The following NRROS variants were observed in gnomAD, a reference collection of about 807,000 sequenced individuals.
The protein encoded by NRROS is negative regulator of reactive oxygen species.
A neutral mutation model predicts 12.0 loss-of-function variants in NRROS; 6 were observed. The ratio of observed to expected loss-of-function variants is 0.50; its 90% CI spans 0.27 to 0.98. NRROS has a LOEUF of 0.98. Among genes scored for constraint, NRROS ranks in the 50% least tolerant of loss-of-function variants. The pLI, the probability that NRROS is intolerant of heterozygous loss-of-function variation, is 0.11. For missense variants in NRROS, 857 were observed against 888.2 expected (o/e 0.96, Z 0.45); for synonymous variants, 462 against 410.2 (o/e 1.13, Z -1.53).
intron 1 of NRROS, among the ~76,000 whole-genome samples, chr3:196,645,960 T>C (rs1055782305): frequency 6.6e-6 from 1 of 152,228 alleles, no homozygotes; most frequent in Non-Finnish European, 1.5e-5. Context: ...TTAATACACC[T>C]CTTTGTCTCA....
chr3:196,643,354 C>G (rs193013626), intron 1 of NRROS, among the ~76,000 whole-genome samples: 1 of 152,126 alleles, frequency 6.6e-6, no homozygotes, highest in Non-Finnish European at 1.5e-5. Flanking sequence ...AGTGGAACCT[C>G]GTCATGGTCC....
intron 2 of NRROS, among the ~76,000 whole-genome samples, chr3:196,658,086 T>C (rs1485046994): frequency 6.6e-6 from 1 of 152,204 alleles, no homozygotes; most frequent in African/African-American, 2.4e-5. Flanking sequence ...CCACGAAGCA[T>C]TGGCCCTGGA....
At chr3:196,642,785 C>T (rs956335301) in intron 1 of NRROS, among the ~76,000 whole-genome samples, 3 of 152,104 alleles carry the variant, frequency 2.0e-5, no homozygotes, top group African/African-American at 7.2e-5. Flanking sequence ...AAGATGGTCA[C>T]TTTCGGCCGG....
chr3:196,644,165 A>G (rs747622546), intron 1 of NRROS, among the ~76,000 whole-genome samples: 1 of 152,064 alleles, frequency 6.6e-6, no homozygotes, highest in African/African-American at 2.4e-5. Flanking sequence ...CTGGCTAGAG[A>G]AGGTTAGAGC....
chr3:196,643,101 T>C (rs1737240676), intron 1 of NRROS, among the ~76,000 whole-genome samples: 1 of 151,640 alleles, frequency 6.6e-6, no homozygotes, highest in South Asian at 2.1e-4. Context: ...GATAATCGCT[T>C]TCATGTTTTG....
chr3:196,654,918 G>A lies in NRROS; in HGVS notation c.108+271G>A, dbSNP rs558523961. The A allele has an allele frequency of 1.9e-5, 7 of 369,130 alleles. No individual in the cohort carries two copies. Among genetic ancestry groups the A allele is most frequent in the Middle Eastern group, 7.7e-4 (1 of 1,298 alleles). 22.9% of individuals were successfully genotyped at this position (369,130 alleles called of 1,614,324 possible). A position where few individuals can be genotyped will look rare whatever the true frequency, so the allele number is the denominator to read the frequency against. ...CGAGACCAGCCTAGGGCATCCTCCC[G>A]GAACAAGAACAACTTGTTAAAAATC... On this transcript the variant is annotated intron_variant, in intron 2 of 2. Transcript: ENST00000328557. This position sits in a 1 kb window ranked among gnomAD's most constrained non-coding sequence, Gnocchi z 4.4.
intron 1 of NRROS, among the ~76,000 whole-genome samples, chr3:196,643,701 G>T (rs1737251369): frequency 6.6e-6 from 1 of 152,354 alleles, no homozygotes; most frequent in Admixed American, 6.5e-5. Flanking sequence ...CTAAGCTCAT[G>T]TCACTCCATT....
Position 196,661,692 on chromosome 3 carries a change from G to A in NRROS, c.2049G>A (p.Lys683=). 1.3e-6 allele frequency: 2 copies of A among 1,596,398 alleles called. No individual in the cohort carries two copies. Among genetic ancestry groups the A allele is most frequent in the East Asian group, 2.2e-5 (1 of 44,704 alleles). ...TFKKPLLQVI[K]SRCHWSSVY is the part of the protein sequence containing the mutation. ...AGAAGCCTCTGCTTCAGGTCATCAA[G>A]AGCCGCTGCCACTGGTCCTCCGTTT... Residue 683 remains lysine, a synonymous_variant, in exon 3 of 3, where the codon AAG becomes AAA. Transcript: ENST00000328557.
chr3:196,655,547 A>AT (rs1409520378), intron 2 of NRROS, among the ~76,000 whole-genome samples: 1 of 152,082 alleles, frequency 6.6e-6, no homozygotes, highest in Non-Finnish European at 1.5e-5. Flanking sequence ...AAAGAAAAAA[A>AT]CAAAACAAAA....
rs1737636602 is a variant in NRROS, at chr3:196,660,221, T to C, written c.578T>C (p.Ile193Thr). 6.2e-7 allele frequency: 1 copy of C among 1,613,534 alleles called. No homozygotes were observed. The highest frequency in any genetic ancestry group is 8.5e-7 in the Non-Finnish European group (1 of 1,180,032). The stretch of plus-strand genomic sequence containing the variant: ...GAGCTGGATCTGCAGAGGAACTACA[T>C]CTTCGAGATCGAGGGCGGCGCTTTC... ...LRELDLQRNY[I>T]FEIEGGAFDG... The change falls in exon 3 of 3, where the codon ATC becomes ACC. Residue 193 changes from isoleucine to threonine, a missense_variant. Coordinates refer to ENST00000328557, the MANE Select transcript of NRROS (RefSeq NM_198565.3). This position sits in a 1 kb window ranked among gnomAD's most constrained non-coding sequence, Gnocchi z 7.7.
chr3:196,645,335 T>C (rs1371033008), intron 1 of NRROS, among the ~76,000 whole-genome samples: 3 of 152,112 alleles, frequency 2.0e-5, no homozygotes, highest in Admixed American at 6.6e-5. Context: ...CCAGGGTGGC[T>C]GGGGCTTGTG....
intron 1 of NRROS, among the ~76,000 whole-genome samples, chr3:196,651,547 A>G (rs185176884): frequency 3.1e-4 from 47 of 152,266 alleles, no homozygotes; most frequent in African/African-American, 1.1e-3. Context: ...CGGGCAGATC[A>G]CCTGAGGTCA....
At chr3:196,648,291 T>C (rs1737349071) in intron 1 of NRROS, among the ~76,000 whole-genome samples, 1 of 152,216 alleles carries the variant, frequency 6.6e-6, no homozygotes, top group Non-Finnish European at 1.5e-5. Flanking sequence ...ACGGACATCA[T>C]GAAAGTTCCC....
chr3:196,643,956 C>T (rs1249393029), intron 1 of NRROS, among the ~76,000 whole-genome samples: 1 of 152,188 alleles, frequency 6.6e-6, no homozygotes, highest in Non-Finnish European at 1.5e-5. Flanking sequence ...GCTTTCCCTG[C>T]CTGGCCCTGG....
chr3:196,655,466 C>T (rs960545114), intron 2 of NRROS, among the ~76,000 whole-genome samples: 27 of 145,540 alleles, frequency 1.9e-4, no homozygotes, highest in Admixed American at 9.6e-4. Flanking sequence ...ACCCGGGAGA[C>T]GGAGGTTGCA....
intron 2 of NRROS, among the ~76,000 whole-genome samples, chr3:196,659,476 T>C (rs1399810025): frequency 6.6e-6 from 1 of 151,846 alleles, no homozygotes; most frequent in Non-Finnish European, 1.5e-5. Flanking sequence ...CCCGGCTAGT[T>C]TTTTGTATTT....
At position 196,660,476 on chromosome 3, in the gene NRROS, T is replaced by A; in HGVS notation, c.833T>A (p.Leu278Gln). The A allele has an allele frequency of 6.2e-7, 1 of 1,614,124 alleles. No homozygotes were observed. The highest frequency in any genetic ancestry group is 8.5e-7 in the Non-Finnish European group (1 of 1,180,024). ...LPQYSKLRTL[L>Q]LRDNNMGFYR... ...CAGTACAGCAAGTTGCGGACCCTCC[T>A]GCTGCGCGACAACAACATGGGCTTC... Residue 278 changes from leucine (L) to glutamine (Q), a missense_variant, in exon 3 of 3, where the codon CTG becomes CAG. Leu to Gln is a moderately radical substitution (Grantham distance 113). Coordinates refer to ENST00000328557, the MANE Select transcript of NRROS (RefSeq NM_198565.3). This position sits in a 1 kb window ranked among gnomAD's most constrained non-coding sequence, Gnocchi z 7.7.
Position 196,660,105 on chromosome 3 carries a change from G to C in NRROS, c.462G>C (p.Gln154His). Residue 154 changes from glutamine (Q) to histidine (H), a missense_variant, in exon 3 of 3, where the codon CAG becomes CAC. Physicochemically the swap from Gln to His is conservative, Grantham distance 24. Coordinates refer to ENST00000328557, the MANE Select transcript of NRROS (RefSeq NM_198565.3). The surrounding 1 kb of genome is among the most constrained non-coding windows in gnomAD (Gnocchi z 7.7). ...AGGACATGGCAGCCCTCATGCTCCA[G>C]AACCTCTCCTCGCTGCGGTCCGTGT... ...LTEDMAALML[Q>H]NLSSLRSVSL... 6.2e-7 allele frequency: 1 copy of C among 1,613,122 alleles called. No individual in the cohort carries two copies.
intron 2 of NRROS, among the ~76,000 whole-genome samples, chr3:196,658,365 G>C (rs1480553480): frequency 6.6e-6 from 1 of 152,208 alleles, no homozygotes; most frequent in African/African-American, 2.4e-5. Context: ...GGTGACAGAA[G>C]AGTTGAGGTT....
Sources: gnomAD v4.1 joint callset for allele counts (sites outside exome capture counted in the v4.1 genomes callset) on GRCh38, gnomAD v4.1.1 for gene constraint, Gnocchi (gnomAD v3.1) non-coding constraint, MANE v1.5 for transcripts, NCBI Gene and HGNC (gene_info 2026-07-23, HGNC 2026-07-21) for gene names.